SMG1: variants seen among roughly 807,000 people sequenced by gnomAD.
SMG1 encodes the protein SMG1 nonsense mediated mRNA decay associated PI3K related kinase.
Under a neutral mutation model 419.9 loss-of-function variants are expected in SMG1, and 22 were observed. The observed-to-expected ratio is 0.05, with a 90% CI of 0.04 to 0.07. The LOEUF is 0.07. Ranked by LOEUF, SMG1 falls within the 10% of genes least tolerant of loss-of-function variation. The probability of loss-of-function intolerance (pLI) is 1.00; values close to 1 mark genes in which losing one functional copy is unlikely to be tolerated. For synonymous variants in SMG1, 1,538 were observed against 1,553.5 expected, an observed-to-expected ratio of 0.99 and a Z score of 0.23; for missense variants, 3,185 against 4,342.0, an observed-to-expected ratio of 0.73 and a Z score of 7.49.
rs2033908920 is a variant in SMG1 at position 18,841,344 on chromosome 16, C to CCCAAAA, written c.6696+215_6696+220dup. Among the ~76,000 whole-genome samples the CCCAAAA allele has an allele frequency of 2.0e-5, 3 of 148,810 alleles. No homozygotes were observed. The South Asian group carries it at 6.3e-4, about 31-fold the overall frequency. On this transcript the variant is annotated intron_variant, in intron 41 of 62. Coordinates refer to ENST00000446231, the MANE Select transcript of SMG1 (RefSeq NM_015092.5). The stretch of plus-strand genomic sequence containing the variant: ...ACCTGGGAGGCAGAAGTTGCAGTGA[C>CCCAAAA]CCAAAACCACACCACTGCACTCCAG...
At chr16:18,873,604 T>A (rs2035943216) in intron 13 of SMG1, among the ~76,000 whole-genome samples, 1 of 152,222 alleles carries the variant, frequency 6.6e-6, no homozygotes, top group Admixed American at 6.5e-5. Context: ...GAATTATACA[T>A]TTAAAATAAC....
In SMG1 at chr16:18,849,956, T is replaced by C. The variant is rs765326013; in HGVS notation, c.5454A>G (p.Pro1818=). Reference sequence around the variant, plus strand: ...ATTTTATGCAGGTCTCACCTCTCCATGGTGCAGTGGGTGTTGTCTCCAAGC... The same window carrying C: ...ATTTTATGCAGGTCTCACCTCTCCACGGTGCAGTGGGTGTTGTCTCCAAGC... The part of the protein sequence containing the change: ...EHGLETTPTA[P]WRGIIPQLFS... Residue 1818 remains proline, a synonymous_variant, in exon 35 of 63, where the codon CCA becomes CCG. Transcript: ENST00000446231. 5.6e-6 allele frequency: 9 copies of C among 1,613,542 alleles called. No individual in the cohort carries two copies. In the Admixed American group the frequency reaches 6.7e-5, roughly 12 times the overall value.
intron 31 of SMG1, among the ~76,000 whole-genome samples, chr16:18,852,932 C>T (rs528901073): frequency 6.6e-6 from 1 of 152,322 alleles, no homozygotes; most frequent in South Asian, 2.1e-4. Context: ...TGCTATAGTG[C>T]ATCTGACAAG....
At position 18,830,400 on chromosome 16, in the gene SMG1, C is replaced by T. The variant is rs141838519; in HGVS notation, c.8793-31G>A. On this transcript the variant is annotated intron_variant, in intron 51 of 62. Coordinates refer to ENST00000446231, the MANE Select transcript of SMG1 (RefSeq NM_015092.5). ...GAAAAACAAAAGGAGTTAAAACCTT[C>T]GCTGAAAAGTAATGCCTTTGGTGGG... The T allele has an allele frequency of 1.4e-4, 222 of 1,611,142 alleles. 2 individuals carry two copies. The South Asian group carries it at 2.1e-3, about 15-fold the overall frequency.
chr16:18,887,533 T>TTTTTTTTTTTTTTA lies in SMG1; in HGVS notation c.822+1838_822+1839insTAAAAAAAAAAAAA, dbSNP rs1567427842. Among the ~76,000 whole-genome samples the TTTTTTTTTTTTTTA allele has an allele frequency of 9.6e-4, 136 of 141,872 alleles. 1 individual carries two copies. Among genetic ancestry groups the TTTTTTTTTTTTTTA allele is most frequent in the African/African-American group, 3.2e-3 (122 of 38,400 alleles). 93.1% of individuals were successfully genotyped at this position (141,872 alleles called of 152,430 possible). ...TTTTTTTCCTTTTTTTTTTTTTTTT[T>TTTTTTTTTTTTTTA]AATAGAAACAGGGTTTCACCATGTT... On this transcript the variant is annotated intron_variant, in intron 6 of 62. Coordinates refer to ENST00000446231, the MANE Select transcript of SMG1 (RefSeq NM_015092.5).
intron 1 of SMG1, among the ~76,000 whole-genome samples, chr16:18,914,212 TAAAC>T (rs1044154596): frequency 6.7e-5 from 10 of 150,120 alleles, no homozygotes; most frequent in African/African-American, 2.0e-4. Flanking sequence ...TTTTAAATAA[TAAAC>T]AAAAAAAGTC....
chr16:18,908,415 T>C (rs1596644976), intron 1 of SMG1, among the ~76,000 whole-genome samples: 1 of 122,216 alleles, frequency 8.2e-6, no homozygotes, highest in South Asian at 2.5e-4. Context: ...AGATTAAGAA[T>C]CACTAAGAGT....
At position 18,815,663 on chromosome 16, in the gene SMG1, AAATT is replaced by A. The variant is rs1309482273; in HGVS notation, c.10303-16_10303-13del. 8.1e-6 allele frequency: 13 copies of A among 1,606,082 alleles called. No homozygotes were observed. Among genetic ancestry groups the A allele is most frequent in the Non-Finnish European group, 1.1e-5 (13 of 1,174,322 alleles). ...GCAGCTTCTTCATCCTAGAATTGAT[AAATT>A]AATGATTAAGAAAAATAGTTTTAGT... On this transcript the variant is annotated splice_polypyrimidine_tract_variant and intron_variant, in intron 58 of 62. Transcript: ENST00000446231.
Position 18,826,802 on chromosome 16 carries a change from C to T in SMG1, c.9741+1229G>A, listed in dbSNP as rs572113223. On this transcript the variant is annotated intron_variant, in intron 55 of 62. Transcript: ENST00000446231. Reference sequence around the variant, plus strand: ...TGGGCTCCACCCAGTTCGAGCTTCCCGGCTGCTTTGTTTACCTAAGCAAGC... The same window carrying T: ...TGGGCTCCACCCAGTTCGAGCTTCCTGGCTGCTTTGTTTACCTAAGCAAGC... 6.5e-3 allele frequency among the ~76,000 whole-genome samples: 210 copies of T among 32,258 alleles called. 24 individuals are homozygous for T. Among genetic ancestry groups the T allele is most frequent in the Middle Eastern group, 0.013 (1 of 80 alleles). The allele number at this position is 32,258 out of a possible 152,430, so 21.2% of individuals were successfully genotyped here. A position where few individuals can be genotyped will look rare whatever the true frequency, so the allele number is the denominator to read the frequency against.
chr16:18,853,707 T>C lies in SMG1; in HGVS notation c.4644A>G (p.Arg1548=). 1 of 1,613,938 alleles carries C rather than the reference T, an allele frequency of 6.2e-7. No individual in the cohort carries two copies. Among genetic ancestry groups the C allele is most frequent in the Non-Finnish European group, 8.5e-7 (1 of 1,179,860 alleles). The change falls in exon 31 of 63, where the codon AGA becomes AGG. Residue 1548 remains arginine (R), a synonymous_variant. Coordinates refer to ENST00000446231, the MANE Select transcript of SMG1 (RefSeq NM_015092.5). ...EISGQLKQVY[R]AQHQQNFTGL... is the part of the protein sequence containing the mutation. ...CTGTGAAGTTCTGTTGGTGCTGAGC[T>C]CTGTAAACCTGTTTCAGCTGTCCTG...
chr16:18,924,138 T>C (rs529463164), intron 1 of SMG1, among the ~76,000 whole-genome samples: 1 of 152,316 alleles, frequency 6.6e-6, no homozygotes, highest in Admixed American at 6.5e-5. Flanking sequence ...AAAGAAACCT[T>C]GTAAGCTTTC....
At chr16:18,841,542 A>G (rs2033927737) in intron 41 of SMG1, 23 bp downstream of exon 41, 1 of 1,591,240 alleles carries the variant, frequency 6.3e-7, no homozygotes, top group African/African-American at 1.3e-5. Flanking sequence ...AGACTAATAC[A>G]CTGTGTAGAT....
rs771457576 is a variant in SMG1 at position 18,850,139 on chromosome 16, G to A, written c.5284-13C>T. The A allele has an allele frequency of 1.2e-6, 2 of 1,606,968 alleles. No homozygotes were observed. The highest frequency in any genetic ancestry group is 1.7e-6 in the Non-Finnish European group (2 of 1,176,406). On this transcript the variant is annotated splice_polypyrimidine_tract_variant and intron_variant, in intron 34 of 62. Transcript: ENST00000446231. ...CATCTAAAGGAATCTAAGAGTGAAA[G>A]ATGAGGGGAATAAATAAGAAAATAA...
At chr16:18,827,722 A>G (rs2032836377) in intron 55 of SMG1, among the ~76,000 whole-genome samples, 2 of 144,346 alleles carry the variant, frequency 1.4e-5, no homozygotes, top group South Asian at 2.1e-4. Context: ...TATATTTGGT[A>G]TAAATATACC....
intron 39 of SMG1, among the ~76,000 whole-genome samples, chr16:18,842,984 T>C (rs2034014306): frequency 6.6e-6 from 1 of 152,212 alleles, no homozygotes; most frequent in Non-Finnish European, 1.5e-5. Flanking sequence ...CTCTTTCTTT[T>C]CCTCTGTCCA....
At chr16:18,858,355 G>C in intron 28 of SMG1, 65 bp from the exon 29 acceptor site, 1 of 1,493,932 alleles carries the variant, frequency 6.7e-7, no homozygotes. Flanking sequence ...CAGATATATA[G>C]CAAGTCTTAA....
Position 18,834,195 on chromosome 16 carries a change from AG to A in SMG1, c.8565+8del. 6.5e-7 allele frequency: 1 copy of A among 1,545,320 alleles called. No individual in the cohort carries two copies. The highest frequency in any genetic ancestry group is 8.8e-7 in the Non-Finnish European group (1 of 1,136,598). The stretch of plus-strand genomic sequence containing the variant: ...AAAACAAACTAATATTTAAAATAAA[AG>A]TGTTCACCTGAAGTGAGGTATACAC... On this transcript the variant is annotated splice_region_variant and intron_variant, in intron 50 of 62. Transcript: ENST00000446231.
rs1309565040 is a variant in SMG1, at chr16:18,813,496, C to T, written c.10622-1369G>A. Among the ~76,000 whole-genome samples, 10 of 152,188 alleles carry T rather than the reference C, an allele frequency of 6.6e-5. No homozygotes were observed. The East Asian group carries it at 1.2e-3, about 18-fold the overall frequency. On this transcript the variant is annotated intron_variant, in intron 60 of 62. Transcript: ENST00000446231. The stretch of plus-strand genomic sequence containing the variant: ...TTGAGAAGTGTCTGTTTATATCCTT[C>T]GCCCACTTTTTGATGGGGTTGTTTT...
At chr16:18,819,447 A>T in intron 56 of SMG1, 55 bp downstream of exon 56, 1 of 1,567,058 alleles carries the variant, frequency 6.4e-7, no homozygotes, top group Non-Finnish European at 8.7e-7. Flanking sequence ...ACTTCCAGCT[A>T]CTCATCTAAT....
Sources: gnomAD v4.1 joint callset for allele counts (sites outside exome capture counted in the v4.1 genomes callset) on GRCh38, gnomAD v4.1.1 for gene constraint, MANE v1.5 for transcripts, NCBI Gene and HGNC (gene_info 2026-07-23, HGNC 2026-07-21) for gene names.